A2ML1: variants seen among roughly 807,000 people sequenced by gnomAD.
A2ML1 encodes the protein alpha-2-macroglobulin like 1.
A neutral mutation model predicts 181.9 loss-of-function variants in A2ML1; 161 were observed. The ratio of observed to expected loss-of-function variants is 0.89; its 90% confidence interval spans 0.78 to 1.01. The LOEUF is 1.01. Among genes scored for constraint, A2ML1 ranks in the 50% least tolerant of loss-of-function variants. The probability of loss-of-function intolerance (pLI) is 0.00; values close to 1 mark genes in which losing one functional copy is unlikely to be tolerated. For missense variants in A2ML1, 1,670 were observed against 1,768.1 expected (o/e 0.94, Z 1.00); for synonymous variants, 663 against 666.8 (o/e 0.99, Z 0.09).
At chr12:8,867,439 G>T (rs1944457827) in intron 29 of A2ML1, among the ~76,000 whole-genome samples, 1 of 152,154 alleles carries the variant, frequency 6.6e-6, no homozygotes, top group East Asian at 1.9e-4. Context: ...CCTGAGGTTG[G>T]GAGTTCAAGA....
rs1399111683 is a variant in A2ML1, at chr12:8,863,832, T to A, written c.3541T>A (p.Ser1181Thr). 1 of 1,614,224 alleles carries A rather than the reference T, an allele frequency of 6.2e-7. No homozygotes were observed. The highest frequency in any genetic ancestry group is 2.2e-5 in the East Asian group (1 of 44,886). ...CTGGAGCCAGAAACCTACTCCATCA[T>A]CGAACGCCAGCCCTTGGTCTGAGCC... ...IYWSQKPTPS[S>T]NASPWSEPAA... The change falls in exon 29 of 36, where the codon TCG becomes ACG. Residue 1181 changes from serine to threonine, a missense_variant. By Grantham distance (58) the Ser-to-Thr change is moderately conservative. Transcript: ENST00000299698.
chr12:8,834,579 CT>C, intron 4 of A2ML1, 82 bp from the exon 5 acceptor site: 1 of 1,522,480 alleles, frequency 6.6e-7, no homozygotes, highest in Non-Finnish European at 9.1e-7. Flanking sequence ...AGGAAGAATT[CT>C]TTGTGAACTT....
intron 33 of A2ML1, among the ~76,000 whole-genome samples, chr12:8,872,554 G>A (rs1944662157): frequency 6.6e-6 from 1 of 151,936 alleles, no homozygotes; most frequent in South Asian, 2.1e-4. Context: ...GGCCGAGGCG[G>A]GTGGATCACG....
intron 17 of A2ML1, 21 bp downstream of exon 17, chr12:8,849,780 G>T: frequency 6.2e-7 from 1 of 1,607,648 alleles, no homozygotes. Context: ...TCTGTGGTCT[G>T]TGGATTCTCT....
intron 18 of A2ML1, among the ~76,000 whole-genome samples, chr12:8,851,084 C>G (rs930236912): frequency 6.6e-6 from 1 of 152,210 alleles, no homozygotes; most frequent in Non-Finnish European, 1.5e-5. Flanking sequence ...CAAAACAAAT[C>G]CACACAATTC....
intron 29 of A2ML1, 52 bp from the exon 30 acceptor site, chr12:8,867,790 T>C (rs1224449057): frequency 6.5e-7 from 1 of 1,531,744 alleles, no homozygotes; most frequent in Non-Finnish European, 9.0e-7. Flanking sequence ...TGTTCAAGGT[T>C]AATTCCAATG....
intron 3 of A2ML1, among the ~76,000 whole-genome samples, chr12:8,829,254 G>A (rs1011162011): frequency 6.6e-6 from 1 of 152,228 alleles, no homozygotes; most frequent in Non-Finnish European, 1.5e-5. Context: ...CTGAGCTCCA[G>A]GCCTGTGTTT....
At chr12:8,823,912 A>C (rs1284744276) in intron 3 of A2ML1, 30 bp downstream of exon 3, 1 of 1,590,354 alleles carries the variant, frequency 6.3e-7, no homozygotes, top group South Asian at 1.1e-5. Flanking sequence ...GGTTCGACTA[A>C]AACCTGGGGA....
chr12:8,884,825 C>A (rs997388371), intron 7 of A2ML1, among the ~76,000 whole-genome samples: 6 of 152,232 alleles, frequency 3.9e-5, no homozygotes, highest in Admixed American at 6.5e-5. Context: ...CCTCCAGCTT[C>A]ATCCATGTTC....
chr12:8,849,861 G>A (rs571231479), intron 17 of A2ML1, 102 bp downstream of exon 17: 241 of 1,079,674 alleles, frequency 2.2e-4, no homozygotes, highest in Non-Finnish European at 3.0e-4. Flanking sequence ...CCTCTAGCCC[G>A]AGAATGCTAA....
At chr12:8,841,021 A>AGGGACGGAC (rs1943460025) in intron 10 of A2ML1, among the ~76,000 whole-genome samples, 2 of 122,960 alleles carry the variant, frequency 1.6e-5, no homozygotes, top group African/African-American at 6.0e-5. Flanking sequence ...GACGGAAGGA[A>AGGGACGGAC]GGAAGGAAGG....
In A2ML1 at chr12:8,854,215, G is replaced by T; in HGVS notation, c.2678G>T (p.Arg893Leu). 6.2e-7 allele frequency: 1 copy of T among 1,608,964 alleles called. No individual in the cohort carries two copies. Among genetic ancestry groups the T allele is most frequent in the Non-Finnish European group, 8.5e-7 (1 of 1,177,502 alleles). The change falls in exon 21 of 36, where the codon CGA becomes CTA. Residue 893 changes from arginine (R) to leucine (L), a missense_variant. Transcript: ENST00000299698. ...GQKGFVPQKG[R>L]SDTLIKPVLV... is the part of the protein sequence containing the mutation. ...AAGGGGTTTGTTCCCCAAAAGGGCC[G>T]AAGTGACACGCTCATCAAGCCAGTT...
downstream of A2ML1, among the ~76,000 whole-genome samples, chr12:8,877,599 T>C (rs1944825547): frequency 2.0e-5 from 3 of 152,190 alleles, no homozygotes; most frequent in Admixed American, 2.0e-4. Context: ...TAACCATCAC[T>C]AATCATCAGA....
chr12:8,872,531 C>T (rs1944661077), intron 33 of A2ML1, among the ~76,000 whole-genome samples: 1 of 151,758 alleles, frequency 6.6e-6, no homozygotes. Flanking sequence ...CCTGTAATCC[C>T]AGCACTTTGG....
At chr12:8,882,508 A>G (rs751038875) in intron 7 of A2ML1, among the ~76,000 whole-genome samples, 2 of 152,228 alleles carry the variant, frequency 1.3e-5, no homozygotes, top group Non-Finnish European at 2.9e-5. Context: ...TATTTATCAT[A>G]TCTCATCCAG....
At chr12:8,861,027 TGTCTCTAGTC>T in intron 27 of A2ML1, 72 bp downstream of exon 27, 1 of 1,608,694 alleles carries the variant, frequency 6.2e-7, no homozygotes, top group Non-Finnish European at 8.5e-7. Context: ...CACCCATCTT[TGTCTCTAGTC>T]ACCCTTTTAA....
intron 7 of A2ML1, among the ~76,000 whole-genome samples, chr12:8,837,169 G>A (rs1425749871): frequency 2.0e-5 from 3 of 152,076 alleles, no homozygotes; most frequent in Non-Finnish European, 4.4e-5. Context: ...ACAGGTGTGA[G>A]CCACCATGCC....
At chr12:8,857,770 C>A in intron 25 of A2ML1, 176 bp from the exon 26 acceptor site, 2 of 1,102,154 alleles carry the variant, frequency 1.8e-6, no homozygotes, top group East Asian at 2.5e-5. Context: ...TGAGCTTGTG[C>A]CTCCCCTGTT....
At chr12:8,829,623 C>G (rs758978350) in intron 3 of A2ML1, 104 bp from the exon 4 acceptor site, 32 of 1,195,916 alleles carry the variant, frequency 2.7e-5, no homozygotes, top group Middle Eastern at 2.2e-4. Context: ...CCACTGCACT[C>G]CAACCTGGGT....
Sources: gnomAD v4.1 joint callset for allele counts (sites outside exome capture counted in the v4.1 genomes callset) on GRCh38, gnomAD v4.1.1 for gene constraint, MANE v1.5 for transcripts, NCBI Gene and HGNC (gene_info 2026-07-23, HGNC 2026-07-21) for gene names.